Variants in HTT observed in about 807,000 individuals in gnomAD.
HTT encodes huntingtin.
A neutral mutation model predicts 362.3 loss-of-function variants in HTT; 104 were observed. The observed-to-expected ratio is 0.29, with a 90% CI of 0.24 to 0.34. HTT has a LOEUF of 0.34. HTT is among the 10% of genes least tolerant of loss of function. HTT has a pLI of 1.00. For missense variants in HTT, 3,301 were observed against 3,928.6 expected, an observed-to-expected ratio of 0.84 and a Z score of 4.27; for synonymous variants, 1,577 against 1,548.7, an observed-to-expected ratio of 1.02 and a Z score of -0.43.
At chr4:3,095,128 G>A (rs1408562887) in intron 2 of HTT, among the ~76,000 whole-genome samples, 1 of 152,216 alleles carries the variant, frequency 6.6e-6, no homozygotes, top group East Asian at 1.9e-4. Flanking sequence ...ACGGGGTGGC[G>A]GCTGGGCAGA....
At chr4:3,173,375 G>T in intron 31 of HTT, 1 of 536,772 alleles carries the variant, frequency 1.9e-6, no homozygotes, top group South Asian at 2.1e-5. Context: ...AGAGGTGGGG[G>T]TAGAGGAGGA....
rs1032425584 is a variant in HTT, at chr4:3,229,076, CA to C, written c.8109+68del. The C allele has an allele frequency of 9.7e-5, 134 of 1,387,950 alleles. 1 individual carries two copies. The highest frequency in any genetic ancestry group is 6.0e-4 in the East Asian group (23 of 38,474). The allele number at this position is 1,387,950 out of a possible 1,614,324, so 86.0% of individuals were successfully genotyped here. On this transcript the variant is annotated intron_variant, in intron 59 of 66. Transcript: ENST00000355072. ...CACGCACCACACACGCCACACACCC[CA>C]CACACACACACCGCCCACACACATG...
chr4:3,074,687 GGGACGGGTCCAAGAT>G lies in HTT; in HGVS notation c.-132_-118del. 1 of 851,196 alleles carries G rather than the reference GGGACGGGTCCAAGAT, an allele frequency of 1.2e-6. No homozygotes were observed. The highest frequency in any genetic ancestry group is 1.6e-6 in the Non-Finnish European group (1 of 621,140). 52.7% of individuals were successfully genotyped at this position (851,196 alleles called of 1,614,324 possible). A position where few individuals can be genotyped will look rare whatever the true frequency, so the allele number is the denominator to read the frequency against. On this transcript the variant is annotated 5_prime_UTR_variant, in exon 1 of 67. An upstream start codon of the reference 5' UTR is lost. Coordinates refer to ENST00000355072, the MANE Select transcript of HTT (RefSeq NM_001388492.1). Reference sequence around the variant, plus strand: ...GACGCAAGGCGCCGTGGGGGCTGCCGGGACGGGTCCAAGATGGACGGCCGCTCAGGTTCTGCTTTT... The same window carrying G: ...GACGCAAGGCGCCGTGGGGGCTGCCGGGACGGCCGCTCAGGTTCTGCTTTT...
intron 21 of HTT, among the ~76,000 whole-genome samples, chr4:3,138,930 T>G (rs1448130807): frequency 6.6e-6 from 1 of 152,170 alleles, no homozygotes; most frequent in Non-Finnish European, 1.5e-5. Flanking sequence ...CTTTTTAAAA[T>G]AACTTACCTT....
In HTT at chr4:3,242,134, C is replaced by T. The variant is rs1721831343; in HGVS notation, c.*2075C>T. ...ATCACAGGCCAGATGTTGTTCCTGG[C>T]TAGATGTTTACATTTGTAAGAAATA... On this transcript the variant is annotated 3_prime_UTR_variant, in exon 67 of 67. Coordinates refer to ENST00000355072, the MANE Select transcript of HTT (RefSeq NM_001388492.1). 1 of 152,154 alleles carries T rather than the reference C, an allele frequency of 6.6e-6. No homozygotes were observed. The highest frequency in any genetic ancestry group is 1.5e-5 in the Non-Finnish European group (1 of 68,030). 9.4% of individuals were successfully genotyped at this position (152,154 alleles called of 1,614,324 possible).
chr4:3,202,787 G>A (rs1340151192), intron 41 of HTT, among the ~76,000 whole-genome samples: 1 of 152,140 alleles, frequency 6.6e-6, no homozygotes, highest in East Asian at 1.9e-4. Context: ...TGAAGTGGGA[G>A]GATGACTTGA....
In HTT at chr4:3,206,810, A is replaced by G. The variant is rs1208910844; in HGVS notation, c.5902A>G (p.Thr1968Ala). The change falls in exon 44 of 67, where the codon ACC (threonine) becomes GCC (alanine). Residue 1968 changes from threonine to alanine, a missense_variant. By Grantham distance (58) the Thr-to-Ala change is moderately conservative. Coordinates refer to ENST00000355072, the MANE Select transcript of HTT (RefSeq NM_001388492.1). The surrounding 1 kb of genome is among the most constrained non-coding windows in gnomAD (Gnocchi z 4.6). ...TTCTTTTCCTTCTTGCTGTTAGCCAACCATGCTGAAGAAAACTCTTCAGTG... is the reference window on the plus strand; with the variant it reads ...TTCTTTTCCTTCTTGCTGTTAGCCAGCCATGCTGAAGAAAACTCTTCAGTG... ...QSRCENLSTPTMLKKTLQCLE... is the reference protein window; with the variant it reads ...QSRCENLSTPAMLKKTLQCLE... 2 of 1,596,660 alleles carry G rather than the reference A, an allele frequency of 1.3e-6. No homozygotes were observed. Among genetic ancestry groups the G allele is most frequent in the African/African-American group, 1.4e-5 (1 of 74,060 alleles).
chr4:3,173,231 C>A (rs1251858689), intron 31 of HTT, 100 bp downstream of exon 31: 18 of 869,180 alleles, frequency 2.1e-5, no homozygotes, highest in Non-Finnish European at 3.2e-5. Flanking sequence ...TAGCGAACAT[C>A]TTCTAATAGT....
chr4:3,131,173 C>G (rs560914515), intron 14 of HTT, 113 bp from the exon 15 acceptor site: 233 of 788,474 alleles, frequency 3.0e-4, no homozygotes, highest in Middle Eastern at 7.2e-4. Flanking sequence ...CAGGGCATCT[C>G]TTTATCCCCA....
rs778145890 is a variant in HTT, at chr4:3,220,246, C to T, written c.7307C>T (p.Pro2436Leu). ...TTTGGCACAGCATTCCCTGAGATCC[C>T]CGTGGAGTTCCTCCAGGAAAAGGAA... is the stretch of plus-strand genomic sequence containing the variant. ...GDFGTAFPEI[P>L]VEFLQEKEVF... Residue 2436 changes from proline (P) to leucine (L), a missense_variant, in exon 53 of 67, where the codon CCC becomes CTC. Physicochemically the swap from Pro to Leu is moderately conservative, Grantham distance 98. Coordinates refer to ENST00000355072, the MANE Select transcript of HTT (RefSeq NM_001388492.1). The T allele has an allele frequency of 6.2e-7, 1 of 1,613,954 alleles. No individual in the cohort carries two copies. The highest frequency in any genetic ancestry group is 1.3e-5 in the African/African-American group (1 of 74,918).
At chr4:3,155,068 C>T (rs1050907016) in intron 27 of HTT, among the ~76,000 whole-genome samples, 8 of 151,752 alleles carry the variant, frequency 5.3e-5, no homozygotes, top group Admixed American at 2.0e-4. Context: ...CTGCTGCTGC[C>T]TCTGCTATCT....
intron 39 of HTT, chr4:3,188,687 T>G (rs181193986): frequency 1.2e-4 from 34 of 287,040 alleles, no homozygotes; most frequent in African/African-American, 6.8e-4. Context: ...TGACAGATGA[T>G]CAGCTTGTAT....
At position 3,218,768 on chromosome 4, in the gene HTT, C is replaced by G. The variant is rs6843770; in HGVS notation, c.7242+816C>G. 6.6e-6 allele frequency among the ~76,000 whole-genome samples: 1 copy of G among 152,156 alleles called. No individual in the cohort carries two copies. Among genetic ancestry groups the G allele is most frequent in the Non-Finnish European group, 1.5e-5 (1 of 68,024 alleles). On this transcript the variant is annotated intron_variant, in intron 52 of 66. Coordinates refer to ENST00000355072, the MANE Select transcript of HTT (RefSeq NM_001388492.1). This position sits in a 1 kb window ranked among gnomAD's most constrained non-coding sequence, Gnocchi z 4.4. ...GAAATGGCATCATCTCCCACCAGCC[C>G]GCTGAAATAAGATGATGGGGCCTGT...
At chr4:3,226,621 G>C (rs1387096627) in intron 57 of HTT, among the ~76,000 whole-genome samples, 1 of 152,274 alleles carries the variant, frequency 6.6e-6, no homozygotes, top group Admixed American at 6.5e-5. Context: ...CGCTCACCGG[G>C]TTCCTGATTT....
chr4:3,191,183 T>TTTC (rs1718996852), intron 40 of HTT, among the ~76,000 whole-genome samples: 5 of 92,510 alleles, frequency 5.4e-5, no homozygotes, highest in East Asian at 3.6e-4. Flanking sequence ...TTCTTTCTTT[T>TTTC]TTTTTTTGAG....
intron 23 of HTT, among the ~76,000 whole-genome samples, chr4:3,143,712 T>A (rs1173789342): frequency 6.6e-6 from 1 of 151,806 alleles, no homozygotes; most frequent in East Asian, 1.9e-4. Context: ...CAAGCAATTC[T>A]CCTGCCTCAG....
intron 12 of HTT, chr4:3,128,422 T>A (rs1249933014): frequency 6.6e-6 from 1 of 152,152 alleles, no homozygotes; most frequent in African/African-American, 2.4e-5. Flanking sequence ...GGTAAAAAAT[T>A]GGAATAGTTG....
intron 2 of HTT, among the ~76,000 whole-genome samples, chr4:3,093,198 AT>A (rs1713610177): frequency 6.6e-6 from 1 of 152,118 alleles, no homozygotes; most frequent in African/African-American, 2.4e-5. Flanking sequence ...ACCTGAAAGG[AT>A]TAGAAGGAAC....
chr4:3,096,623 G>A (rs1439582601), intron 2 of HTT, among the ~76,000 whole-genome samples: 1 of 152,214 alleles, frequency 6.6e-6, no homozygotes, highest in Admixed American at 6.5e-5. Context: ...TGGGTCAGAA[G>A]TGAAGTCAAA....
Sources: gnomAD v4.1 joint callset for allele counts (sites outside exome capture counted in the v4.1 genomes callset) on GRCh38, gnomAD v4.1.1 for gene constraint, Gnocchi (gnomAD v3.1) non-coding constraint, MANE v1.5 for transcripts, NCBI Gene and HGNC (gene_info 2026-07-23, HGNC 2026-07-21) for gene names.